The following SIRT1 variants were observed in gnomAD, a reference collection of about 807,000 sequenced individuals.
SIRT1 encodes the protein sirtuin 1.
SIRT1 carries 24 observed loss-of-function variants against 67.9 expected under a neutral mutation model. The ratio of observed to expected loss-of-function variants is 0.35; its 90% confidence interval spans 0.26 to 0.50. The LOEUF is 0.50. SIRT1 is among the 20% of genes least tolerant of loss of function. The pLI is 0.98. For synonymous variants in SIRT1, 378 were observed against 350.7 expected (o/e 1.08, Z -0.87); for missense variants, 873 against 937.2 (o/e 0.93, Z 0.89).
chr10:67,894,080 G>A (rs1842616363), intron 4 of SIRT1, among the ~76,000 whole-genome samples: 1 of 152,190 alleles, frequency 6.6e-6, no homozygotes, highest in Admixed American at 6.5e-5. Context: ...TTTGAGACCA[G>A]CCTGCGCAAC....
intron 4 of SIRT1, among the ~76,000 whole-genome samples, chr10:67,895,730 CTTGTTTTTTTTTTTT>C (rs1205979610): frequency 4.3e-5 from 4 of 94,046 alleles, no homozygotes; most frequent in South Asian, 3.9e-4. Context: ...TGAGAATTAA[CTTGTTTTTTTTTTTT>C]TTGTTTTTTT....
chr10:67,893,584 C>T (rs529751669), intron 4 of SIRT1, among the ~76,000 whole-genome samples: 2 of 149,656 alleles, frequency 1.3e-5, no homozygotes, highest in East Asian at 1.9e-4. Flanking sequence ...GCTCTGTTTC[C>T]CAGGCTGGAG....
rs1481396597 is a variant in SIRT1 at position 67,917,551 on chromosome 10, G to A, written c.*958G>A. 6.6e-6 allele frequency: 1 copy of A among 152,618 alleles called. No individual in the cohort carries two copies. Among genetic ancestry groups the A allele is most frequent in the East Asian group, 1.9e-4 (1 of 5,200 alleles). 9.5% of individuals were successfully genotyped at this position (152,618 alleles called of 1,614,324 possible). ...TAATGGTACTTCTACTGGGGAGAGT[G>A]TAATATTTTGGACTGCTGTTTTCCA... On this transcript the variant is annotated 3_prime_UTR_variant, in exon 9 of 9. Transcript: ENST00000212015.
In SIRT1 at chr10:67,884,797, T is replaced by A. The variant is rs1202064844; in HGVS notation, c.76T>A (p.Ser26Thr). Residue 26 changes from serine (S) to threonine (T), a missense_variant, in exon 1 of 9, where the codon TCG (serine) becomes ACG (threonine). By Grantham distance (58) the Ser-to-Thr change is moderately conservative. Around this residue, in one of 3 missense-constraint regions of SIRT1, gnomAD observed 327 missense variants for 283.9 expected, o/e 1.15. Transcript: ENST00000212015. The stretch of plus-strand genomic sequence containing the variant: ...GGCGGGGGCCGACAGGGAGGCCGCG[T>A]CGTCCCCCGCCGGGGAGCCGCTCCG... ...SAAGADREAA[S>T]SPAGEPLRKR... 2.3e-5 allele frequency: 26 copies of A among 1,116,192 alleles called. No homozygotes were observed. The highest frequency in any genetic ancestry group is 2.8e-5 in the Non-Finnish European group (25 of 904,842). 69.1% of individuals were successfully genotyped at this position (1,116,192 alleles called of 1,614,324 possible).
chr10:67,901,098 G>GT (rs1409003392), intron 4 of SIRT1, among the ~76,000 whole-genome samples: 2 of 152,070 alleles, frequency 1.3e-5, no homozygotes, highest in Non-Finnish European at 2.9e-5. Context: ...AAACTTGAGG[G>GT]TGAAGGATCA....
chr10:67,890,206 C>T (rs768645053), intron 3 of SIRT1, among the ~76,000 whole-genome samples: 7 of 152,050 alleles, frequency 4.6e-5, no homozygotes, highest in Non-Finnish European at 8.8e-5. Context: ...CAGGCGCACA[C>T]CACCACACCT....
Position 67,916,790 on chromosome 10 carries a change from C to CAT in SIRT1, c.*197_*198insAT. 1 of 273,822 alleles carries CAT rather than the reference C, an allele frequency of 3.7e-6. No homozygotes were observed. The highest frequency in any genetic ancestry group is 6.7e-6 in the Non-Finnish European group (1 of 148,284). 17.0% of individuals were successfully genotyped at this position (273,822 alleles called of 1,614,324 possible). A position where few individuals can be genotyped will look rare whatever the true frequency, so the allele number is the denominator to read the frequency against. ...TGTACTTGTACAAACTCAACACTAA[C>CAT]TTTTTTTTTTTTAAAAAAAAAAAGG... On this transcript the variant is annotated 3_prime_UTR_variant, in exon 9 of 9. Coordinates refer to ENST00000212015, the MANE Select transcript of SIRT1 (RefSeq NM_012238.5).
intron 4 of SIRT1, among the ~76,000 whole-genome samples, chr10:67,905,274 CAG>C (rs1407463495): frequency 2.0e-5 from 3 of 152,150 alleles, no homozygotes; most frequent in East Asian, 1.9e-4. Flanking sequence ...GGGAAGAAAA[CAG>C]TGGTTGATTT....
chr10:67,906,027 G>A, intron 4 of SIRT1: 3 of 686,946 alleles, frequency 4.4e-6, no homozygotes, highest in South Asian at 1.0e-4. Flanking sequence ...AAAAAGTAGA[G>A]AATAAACTTC....
rs1379015674 is a variant in SIRT1, at chr10:67,884,858, G to A, written c.137G>A (p.Arg46Gln). Residue 46 changes from arginine to glutamine, a missense_variant, in exon 1 of 9, where the codon CGG (arginine) becomes CAG (glutamine). Around this residue, in one of 3 missense-constraint regions of SIRT1, gnomAD observed 327 missense variants for 283.9 expected, o/e 1.15. Transcript: ENST00000212015. ...RPRRDGPGLE[R>Q]SPGEPGGAAP... ...CGGAGAGATGGTCCCGGCCTCGAGC[G>A]GAGCCCGGGCGAGCCCGGTGGGGCG... The A allele has an allele frequency of 4.9e-6, 6 of 1,218,134 alleles. No homozygotes were observed. The highest frequency in any genetic ancestry group is 5.1e-6 in the Non-Finnish European group (5 of 979,280). The allele number at this position is 1,218,134 out of a possible 1,614,324, so 75.5% of individuals were successfully genotyped here.
chr10:67,892,882 G>A (rs1287373971), intron 4 of SIRT1, among the ~76,000 whole-genome samples: 2 of 152,298 alleles, frequency 1.3e-5, no homozygotes, highest in East Asian at 1.9e-4. Context: ...GATTATAGGC[G>A]TGAGCCACCG....
chr10:67,890,174 G>C (rs1433862735), intron 3 of SIRT1, among the ~76,000 whole-genome samples: 3 of 151,894 alleles, frequency 2.0e-5, no homozygotes, highest in Non-Finnish European at 2.9e-5. Flanking sequence ...TCTTGCCTCA[G>C]CCTCCTGAGT....
intron 4 of SIRT1, among the ~76,000 whole-genome samples, chr10:67,899,933 A>C (rs977009124): frequency 6.6e-5 from 10 of 151,858 alleles, no homozygotes; most frequent in African/African-American, 2.4e-4. Flanking sequence ...AAATACAAAA[A>C]ATTAGCCGGC....
intron 4 of SIRT1, among the ~76,000 whole-genome samples, chr10:67,898,423 G>GA (rs1016816948): frequency 6.6e-6 from 1 of 151,942 alleles, no homozygotes; most frequent in African/African-American, 2.4e-5. Context: ...TTAATTCCAA[G>GA]AATGTATTTT....
chr10:67,907,518 A>G (rs1483129759), intron 5 of SIRT1, among the ~76,000 whole-genome samples: 2 of 148,178 alleles, frequency 1.3e-5, no homozygotes, highest in Admixed American at 1.4e-4. Flanking sequence ...AGAAAAAGAA[A>G]TTCTGAATAC....
At chr10:67,908,625 C>T (rs893626284) in intron 6 of SIRT1, among the ~76,000 whole-genome samples, 1 of 152,094 alleles carries the variant, frequency 6.6e-6, no homozygotes, top group Non-Finnish European at 1.5e-5. Flanking sequence ...AGTCATTGGT[C>T]GGGTGCAGTG....
chr10:67,913,262 A>G (rs949630226), intron 8 of SIRT1, among the ~76,000 whole-genome samples: 5 of 152,160 alleles, frequency 3.3e-5, no homozygotes, highest in African/African-American at 1.2e-4. Context: ...GGGATGGAAA[A>G]ATAAGAATGG....
intron 4 of SIRT1, among the ~76,000 whole-genome samples, chr10:67,897,179 G>C (rs988469766): frequency 2.6e-5 from 4 of 151,856 alleles, no homozygotes; most frequent in Non-Finnish European, 5.9e-5. Context: ...ATTACTCTCT[G>C]AGCACCAGTG....
rs773365044 is a variant in SIRT1 at position 67,912,873 on chromosome 10, G to C, written c.1757G>C (p.Arg586Thr). 1.2e-6 allele frequency: 2 copies of C among 1,614,128 alleles called. No individual in the cohort carries two copies. Among genetic ancestry groups the C allele is most frequent in the East Asian group, 2.2e-5 (1 of 44,874 alleles). The part of the protein sequence containing the change: ...EEKPQEVQTS[R>T]NVESIAEQME... Reference sequence around the variant, plus strand: ...AAACCACAGGAAGTACAAACTTCTAGGAATGTTGAAAGTATTGCTGAACAG... The same window carrying C: ...AAACCACAGGAAGTACAAACTTCTACGAATGTTGAAAGTATTGCTGAACAG... Residue 586 changes from arginine (R) to threonine (T), a missense_variant, in exon 8 of 9, where the codon AGG becomes ACG. Arg to Thr is a moderately conservative substitution (Grantham distance 71). Around this residue, in one of 3 missense-constraint regions of SIRT1, gnomAD observed 295 missense variants for 294.5 expected, o/e 1.00. Transcript: ENST00000212015.
Sources: gnomAD v4.1 joint callset for allele counts (sites outside exome capture counted in the v4.1 genomes callset) on GRCh38, gnomAD v4.1.1 for gene constraint, gnomAD v4.1.1 regional missense constraint, MANE v1.5 for transcripts, NCBI Gene and HGNC (gene_info 2026-07-23, HGNC 2026-07-21) for gene names.